DNAH9: variants seen among roughly 807,000 people sequenced by gnomAD.
The protein encoded by DNAH9 is dynein axonemal heavy chain 9, also known as DNAH9 variant protein.
Under a neutral mutation model 471.6 loss-of-function variants are expected in DNAH9, and 345 were observed. The ratio of observed to expected loss-of-function variants is 0.73; its 90% CI spans 0.67 to 0.80. DNAH9 has a LOEUF of 0.80. DNAH9 is among the 30% of genes least tolerant of loss of function. DNAH9 has a pLI of 0.00. For synonymous variants in DNAH9, 2,093 were observed against 2,123.6 expected, an observed-to-expected ratio of 0.99 and a Z score of 0.40; for missense variants, 5,407 against 5,609.2, an observed-to-expected ratio of 0.96 and a Z score of 1.15.
At chr17:11,744,626 A>G (rs756607660) in intron 30 of DNAH9, among the ~76,000 whole-genome samples, 171 bp from the exon 31 acceptor site, 9 of 152,230 alleles carry the variant, frequency 5.9e-5, no homozygotes, top group Non-Finnish European at 1.2e-4. Flanking sequence ...AGCAAGTGTT[A>G]GACCAGGAAC....
intron 19 of DNAH9, among the ~76,000 whole-genome samples, chr17:11,685,592 A>G (rs2074227834): frequency 6.6e-6 from 1 of 152,156 alleles, no homozygotes; most frequent in African/African-American, 2.4e-5. Flanking sequence ...GGCAGAGATG[A>G]GGGAGAGGGG....
At chr17:11,741,739 G>A (rs2150835353) in intron 29 of DNAH9, among the ~76,000 whole-genome samples, 1 of 152,314 alleles carries the variant, frequency 6.6e-6, no homozygotes, top group East Asian at 1.9e-4. Context: ...TGAGGATGAA[G>A]AATAGGGGAA....
chr17:11,944,280 A>G (rs1403122577), intron 67 of DNAH9, among the ~76,000 whole-genome samples: 1 of 152,186 alleles, frequency 6.6e-6, no homozygotes, highest in African/African-American at 2.4e-5. Context: ...AGACACACAC[A>G]CTGATATAAA....
intron 14 of DNAH9, among the ~76,000 whole-genome samples, chr17:11,656,453 AAC>A (rs912333141): frequency 1.3e-5 from 2 of 152,052 alleles, no homozygotes; most frequent in African/African-American, 4.8e-5. Context: ...AGATTTTTAA[AAC>A]AGTGTACCCA....
In DNAH9 at chr17:11,945,588, G is replaced by A. The variant is rs117883984; in HGVS notation, c.12843+3103G>A. On this transcript the variant is annotated intron_variant, in intron 67 of 68. Transcript: ENST00000262442. ...AGTTCTGGGACTGTTGGAGCTAAAC[G>A]ATGGGAATACACAGACATACAAAGT... is the stretch of plus-strand genomic sequence containing the variant. 1.8e-3 allele frequency among the ~76,000 whole-genome samples: 267 copies of A among 151,606 alleles called. 3 individuals are homozygous for A. Among genetic ancestry groups the A allele is most frequent in the Non-Finnish European group, 1.7e-3 (115 of 67,938 alleles).
intron 26 of DNAH9, among the ~76,000 whole-genome samples, chr17:11,718,248 A>G (rs2075000031): frequency 6.6e-6 from 1 of 152,220 alleles, no homozygotes; most frequent in African/African-American, 2.4e-5. Flanking sequence ...TCCATCCTGT[A>G]GCATGTTTGG....
intron 61 of DNAH9, among the ~76,000 whole-genome samples, chr17:11,915,568 T>G (rs2151022707): frequency 6.6e-6 from 1 of 151,916 alleles, no homozygotes; most frequent in South Asian, 2.1e-4. Flanking sequence ...ACAAAAAACT[T>G]TCTAGTGACT....
Position 11,669,717 on chromosome 17 carries a change from T to C in DNAH9, c.3276T>C (p.Phe1092=). The change falls in exon 17 of 69, where the codon TTT becomes TTC. Residue 1092 remains phenylalanine (F), a synonymous_variant. Coordinates refer to ENST00000262442, the MANE Select transcript of DNAH9 (RefSeq NM_001372.4). ...DGWMKIDIRP[F]KASLLNIIKR... is the part of the protein sequence containing the mutation. ...GGATGAAAATTGATATTCGACCCTT[T>C]AAGGCATCTCTGCTGAATATTATTA... The C allele has an allele frequency of 6.2e-7, 1 of 1,614,144 alleles. No individual in the cohort carries two copies. Among genetic ancestry groups the C allele is most frequent in the Non-Finnish European group, 8.5e-7 (1 of 1,179,996 alleles).
In DNAH9 at chr17:11,880,206, A is replaced by T. The variant is rs762682485; in HGVS notation, c.10601+6A>T. On this transcript the variant is annotated splice_donor_region_variant and intron_variant, in intron 54 of 68. Coordinates refer to ENST00000262442, the MANE Select transcript of DNAH9 (RefSeq NM_001372.4). ...GAAGTCATTAAAAAAGGACGGTAAG[A>T]CTCAGCTGTGTTGCTGACCCTTCGG... 1.2e-6 allele frequency: 2 copies of T among 1,612,588 alleles called. No individual in the cohort carries two copies. The highest frequency in any genetic ancestry group is 1.7e-6 in the Non-Finnish European group (2 of 1,179,388).
intron 50 of DNAH9, among the ~76,000 whole-genome samples, chr17:11,864,699 G>C (rs1001924117): frequency 6.6e-6 from 1 of 152,032 alleles, no homozygotes; most frequent in Admixed American, 6.6e-5. Context: ...TATGAATCTG[G>C]GTGCTCCTGT....
In DNAH9 at chr17:11,863,868, T is replaced by C. The variant is rs530214924; in HGVS notation, c.9934-5266T>C. 3.3e-5 allele frequency among the ~76,000 whole-genome samples: 5 copies of C among 151,892 alleles called. No homozygotes were observed. The South Asian group carries it at 1.0e-3, about 32-fold the overall frequency. On this transcript the variant is annotated intron_variant, in intron 50 of 68. Coordinates refer to ENST00000262442, the MANE Select transcript of DNAH9 (RefSeq NM_001372.4). ...TATTTCTGTGGGATCGGTGGTGATA[T>C]CCCCTTTATCATTTTTTATTGCGTC...
intron 14 of DNAH9, among the ~76,000 whole-genome samples, chr17:11,659,875 G>A (rs2073724283): frequency 6.6e-6 from 1 of 152,140 alleles, no homozygotes; most frequent in Non-Finnish European, 1.5e-5. Context: ...TGATTCTGCT[G>A]GACTTCGTAG....
intron 28 of DNAH9, among the ~76,000 whole-genome samples, chr17:11,730,933 GTGATGACGGTGA>G (rs1470085161): frequency 9.3e-6 from 1 of 107,650 alleles, no homozygotes; most frequent in Non-Finnish European, 2.0e-5. Flanking sequence ...GGTGGTGGTG[GTGATGACGGTGA>G]TGATGATGAT....
chr17:11,668,287 C>T (rs576671658), intron 15 of DNAH9, among the ~76,000 whole-genome samples: 1 of 152,258 alleles, frequency 6.6e-6, no homozygotes, highest in South Asian at 2.1e-4. Flanking sequence ...CAAGCCTGCC[C>T]CTGTTCACCT....
rs551082402 is a variant in DNAH9, at chr17:11,779,264, G to C, written c.7553-1745G>C. 5.3e-5 allele frequency among the ~76,000 whole-genome samples: 8 copies of C among 152,216 alleles called. No individual in the cohort carries two copies. In the South Asian group the frequency reaches 1.7e-3, roughly 32 times the overall value. ...CAGAACCCAGAAGTGTGGCGAGAGG[G>C]TCACATTTCTTTACATGTCTCATTC... is the stretch of plus-strand genomic sequence containing the variant. On this transcript the variant is annotated intron_variant, in intron 38 of 68. Transcript: ENST00000262442.
rs554780989 is a variant in DNAH9 at position 11,888,134 on chromosome 17, C to G, written c.11112+1169C>G. Among the ~76,000 whole-genome samples the G allele has an allele frequency of 3.9e-5, 6 of 151,984 alleles. No individual in the cohort carries two copies. The South Asian group carries it at 8.3e-4, about 21-fold the overall frequency. On this transcript the variant is annotated intron_variant, in intron 57 of 68. Coordinates refer to ENST00000262442, the MANE Select transcript of DNAH9 (RefSeq NM_001372.4). ...AGTAGCTGGGACTACAGGTGCCCAC[C>G]ACCGCACCTGGCTAATTTTTTTTGT...
At position 11,962,146 on chromosome 17, in the gene DNAH9, G is replaced by A; in HGVS notation, c.13123G>A (p.Ala4375Thr). 6.2e-7 allele frequency: 1 copy of A among 1,614,126 alleles called. No homozygotes were observed. Among genetic ancestry groups the A allele is most frequent in the Non-Finnish European group, 8.5e-7 (1 of 1,180,026 alleles). ...RKNEWPLDQM[A>T]LQCDMTKKNR... ...GAATGAGTGGCCACTGGACCAGATG[G>A]CCCTGCAATGTGACATGACGAAGAA... is the stretch of plus-strand genomic sequence containing the variant. Residue 4375 changes from alanine to threonine, a missense_variant, in exon 68 of 69, where the codon GCC (alanine) becomes ACC (threonine). Transcript: ENST00000262442. The surrounding 1 kb of genome is among the most constrained non-coding windows in gnomAD (Gnocchi z 4.1).
At chr17:11,902,671 G>C in intron 59 of DNAH9, 48 bp from the exon 60 acceptor site, 5 of 1,561,202 alleles carry the variant, frequency 3.2e-6, no homozygotes, top group Non-Finnish European at 4.4e-6. Context: ...CAATGCAAAT[G>C]ACAGCTTTCT....
intron 3 of DNAH9, among the ~76,000 whole-genome samples, chr17:11,611,282 T>C (rs1420416489): frequency 6.6e-6 from 1 of 152,234 alleles, no homozygotes; most frequent in Non-Finnish European, 1.5e-5. Context: ...TGCTCTTGCC[T>C]GGCTTCTGAC....
Sources: allele counts gnomAD v4.1 joint callset (sites outside exome capture counted in the v4.1 genomes callset), GRCh38; gene constraint gnomAD v4.1.1; non-coding constraint Gnocchi (gnomAD v3.1); transcripts MANE v1.5; gene names NCBI Gene and HGNC (gene_info 2026-07-23, HGNC 2026-07-21).